The following MIDEAS variants were observed in gnomAD, a reference collection of about 807,000 sequenced individuals.
MIDEAS encodes the protein mitotic deacetylase associated SANT domain protein, also known as mitotic deacetylase-associated SANT domain protein.
A neutral mutation model predicts 102.7 loss-of-function variants in MIDEAS; 26 were observed. The observed-to-expected ratio is 0.25, with a 90% confidence interval of 0.19 to 0.35. The LOEUF is 0.35. Ranked by LOEUF, MIDEAS falls within the 10% of genes least tolerant of loss-of-function variation. The pLI is 1.00. For synonymous variants in MIDEAS, 585 were observed against 591.0 expected, an observed-to-expected ratio of 0.99 and a Z score of 0.15; for missense variants, 1,231 against 1,435.6, an observed-to-expected ratio of 0.86 and a Z score of 2.30.
At chr14:73,770,468 C>A (rs1022736055) in intron 1 of MIDEAS, among the ~76,000 whole-genome samples, 1 of 152,076 alleles carries the variant, frequency 6.6e-6, no homozygotes, top group African/African-American at 2.4e-5. Context: ...GGCCCAGGCC[C>A]CTGGCTTGAT....
upstream of MIDEAS, chr14:73,789,913 C>G (rs1396878964): frequency 6.6e-6 from 1 of 152,338 alleles, no homozygotes; most frequent in African/African-American, 2.4e-5. Context: ...TTACCCTGAT[C>G]CCTGAGGGCT....
Position 73,739,605 on chromosome 14 carries a change from T to A in MIDEAS, c.404A>T (p.Asn135Ile). The change falls in exon 2 of 13, where the codon AAC becomes ATC. Residue 135 changes from asparagine to isoleucine, a missense_variant. Transcript: ENST00000423556. The stretch of plus-strand genomic sequence containing the variant: ...ACTGTAGAGGGACAGACTGTGGCAG[T>A]TCCATGTTGAATGGGGTGGAGGCTG... Reference protein sequence around the residue: ...PGQPPPHSTWNCHSLSLYSAT... With the variant: ...PGQPPPHSTWICHSLSLYSAT... 3 of 1,614,030 alleles carry A rather than the reference T, an allele frequency of 1.9e-6. No homozygotes were observed. The highest frequency in any genetic ancestry group is 2.2e-5 in the South Asian group (2 of 91,082).
At chr14:73,769,948 G>A (rs2053628322) in intron 1 of MIDEAS, among the ~76,000 whole-genome samples, 1 of 147,504 alleles carries the variant, frequency 6.8e-6, no homozygotes, top group South Asian at 2.1e-4. Flanking sequence ...GTATATTGTA[G>A]GTGTATATAT....
At position 73,742,102 on chromosome 14, in the gene MIDEAS, G is replaced by C. The variant is rs913967400; in HGVS notation, c.-247-1847C>G. Among the ~76,000 whole-genome samples the C allele has an allele frequency of 2.0e-5, 3 of 152,238 alleles. No individual in the cohort carries two copies. The highest frequency in any genetic ancestry group is 4.4e-5 in the Non-Finnish European group (3 of 68,038). On this transcript the variant is annotated intron_variant, in intron 1 of 12. Transcript: ENST00000423556. This position sits in a 1 kb window ranked among gnomAD's most constrained non-coding sequence, Gnocchi z 4.4. ...GCACCCCCATGAAGCTGCAGGGTGG[G>C]ACTGTCTGGCTCCGCCTCTCCGAGG...
intron 3 of MIDEAS, among the ~76,000 whole-genome samples, chr14:73,731,241 T>C (rs2053135506): frequency 6.6e-6 from 1 of 152,230 alleles, no homozygotes; most frequent in Admixed American, 6.5e-5. Context: ...TCCCTCTGCG[T>C]ACTCAGTACA....
intron 1 of MIDEAS, among the ~76,000 whole-genome samples, chr14:73,743,762 G>A (rs537218565): frequency 6.6e-6 from 1 of 152,280 alleles, no homozygotes; most frequent in African/African-American, 2.4e-5. Context: ...GGGACCAGCT[G>A]CAGGGCCTCT....
At chr14:73,772,865 A>T (rs1186183845) in intron 1 of MIDEAS, among the ~76,000 whole-genome samples, 20 of 148,918 alleles carry the variant, frequency 1.3e-4, no homozygotes, top group Admixed American at 1.3e-3. Flanking sequence ...TTCGAGACAG[A>T]GTCTCGCTCT....
At chr14:73,741,581 G>A (rs1025461475) in intron 1 of MIDEAS, among the ~76,000 whole-genome samples, 5 of 152,114 alleles carry the variant, frequency 3.3e-5, no homozygotes, top group African/African-American at 1.2e-4. Flanking sequence ...ACAGGGTCCC[G>A]ACTATACCCA....
In MIDEAS at chr14:73,729,457, C is replaced by T. The variant is rs1323445876; in HGVS notation, c.2095+183G>A. Among the ~76,000 whole-genome samples the T allele has an allele frequency of 7.9e-5, 12 of 152,298 alleles. No homozygotes were observed. The East Asian group carries it at 2.3e-3, about 29-fold the overall frequency. On this transcript the variant is annotated intron_variant, in intron 4 of 12. Coordinates refer to ENST00000423556, the MANE Select transcript of MIDEAS (RefSeq NM_001367710.1). ...TGAGATTTGAATCCAAGCAGCTGGG[C>T]GGGCCCCCCACCCCTCCTTGTTGAA...
At chr14:73,746,878 G>A (rs897356414) in intron 1 of MIDEAS, among the ~76,000 whole-genome samples, 1 of 152,192 alleles carries the variant, frequency 6.6e-6, no homozygotes, top group African/African-American at 2.4e-5. Context: ...CAGGCTCTGG[G>A]AGACACAGGA....
intron 11 of MIDEAS, among the ~76,000 whole-genome samples, chr14:73,719,845 T>C (rs1822622371): frequency 6.6e-6 from 1 of 151,454 alleles, no homozygotes; most frequent in Non-Finnish European, 1.5e-5. Context: ...CCCTGTTCTA[T>C]AAATGAGATT....
chr14:73,730,108 A>C (rs1316853589), intron 3 of MIDEAS, 123 bp from the exon 4 acceptor site: 6 of 1,030,302 alleles, frequency 5.8e-6, no homozygotes, highest in Admixed American at 2.0e-5. Context: ...CACCAAGGCA[A>C]GCCTGAAAAA....
At chr14:73,744,878 G>A (rs1461324249) in intron 1 of MIDEAS, among the ~76,000 whole-genome samples, 1 of 152,156 alleles carries the variant, frequency 6.6e-6, no homozygotes, top group Non-Finnish European at 1.5e-5. Context: ...CCAGAGCTGA[G>A]ACAGGAGCTG....
At chr14:73,772,003 G>A (rs1197908928) in intron 1 of MIDEAS, among the ~76,000 whole-genome samples, 4 of 152,220 alleles carry the variant, frequency 2.6e-5, no homozygotes, top group Non-Finnish European at 5.9e-5. Flanking sequence ...AAAGCCTCAC[G>A]TGCTCACTGG....
At chr14:73,748,061 T>C (rs1361152047) in intron 1 of MIDEAS, among the ~76,000 whole-genome samples, 2 of 152,200 alleles carry the variant, frequency 1.3e-5, no homozygotes, top group African/African-American at 4.8e-5. Context: ...TACTGTTCTG[T>C]GTCTCGTTAT....
At chr14:73,748,594 C>T (rs2053382340) in intron 1 of MIDEAS, among the ~76,000 whole-genome samples, 1 of 151,610 alleles carries the variant, frequency 6.6e-6, no homozygotes, top group Non-Finnish European at 1.5e-5. Flanking sequence ...CACCAAAAGA[C>T]AGCTAGAATG....
At chr14:73,758,222 C>G (rs186395087) in intron 1 of MIDEAS, among the ~76,000 whole-genome samples, 36 of 152,340 alleles carry the variant, frequency 2.4e-4, no homozygotes, top group African/African-American at 8.7e-4. Context: ...AAAAGGAAGA[C>G]CTACGAATTC....
intron 1 of MIDEAS, among the ~76,000 whole-genome samples, chr14:73,776,921 A>G (rs923472378): frequency 6.6e-6 from 1 of 151,868 alleles, no homozygotes; most frequent in African/African-American, 2.4e-5. Flanking sequence ...AAACACAAAC[A>G]TTAGCCTGGC....
chr14:73,743,272 T>A (rs927314014), intron 1 of MIDEAS, among the ~76,000 whole-genome samples: 2 of 152,182 alleles, frequency 1.3e-5, no homozygotes, highest in African/African-American at 4.8e-5. Context: ...TACCCCTGCC[T>A]GAACCTTTGG....
Sources: allele counts gnomAD v4.1 joint callset (sites outside exome capture counted in the v4.1 genomes callset), GRCh38; gene constraint gnomAD v4.1.1; non-coding constraint Gnocchi (gnomAD v3.1); transcripts MANE v1.5; gene names NCBI Gene and HGNC (gene_info 2026-07-23, HGNC 2026-07-21).